Variants in CDKAL1 observed in about 807,000 individuals in gnomAD.
CDKAL1 encodes CDKAL1 threonylcarbamoyladenosine tRNA methylthiotransferase.
A neutral mutation model predicts 68.2 loss-of-function variants in CDKAL1; 32 were observed. The observed-to-expected ratio is 0.47, with a 90% confidence interval of 0.35 to 0.63. The LOEUF (loss-of-function observed/expected upper bound fraction) is 0.63. Ranked by LOEUF, CDKAL1 falls within the 30% of genes least tolerant of loss-of-function variation. The pLI is 0.00. For synonymous variants in CDKAL1, 234 were observed against 244.3 expected (o/e 0.96, Z 0.39); for missense variants, 606 against 696.7 (o/e 0.87, Z 1.47).
At chr6:21,197,917 C>A in intron 13 of CDKAL1, 104 bp from the exon 14 acceptor site, 1 of 573,338 alleles carries the variant, frequency 1.7e-6, no homozygotes, top group Non-Finnish European at 3.0e-6. Flanking sequence ...TTCAAGAAGA[C>A]GCTACTTGGT....
chr6:20,914,504 A>C (rs377148651), intron 9 of CDKAL1, among the ~76,000 whole-genome samples: 1 of 151,978 alleles, frequency 6.6e-6, no homozygotes, highest in Non-Finnish European at 1.5e-5. Context: ...ACCCTAGCTA[A>C]GTGTAGATTT....
chr6:20,843,335 C>G (rs1778249994), intron 8 of CDKAL1, among the ~76,000 whole-genome samples: 1 of 151,914 alleles, frequency 6.6e-6, no homozygotes, highest in South Asian at 2.1e-4. Context: ...GCCCTTTCCC[C>G]CTGCTAGTGT....
intron 9 of CDKAL1, among the ~76,000 whole-genome samples, chr6:20,856,819 A>T (rs1196882308): frequency 6.6e-6 from 1 of 152,224 alleles, no homozygotes; most frequent in African/African-American, 2.4e-5. Flanking sequence ...TGAAAGTGAT[A>T]CTGCTACCTG....
intron 9 of CDKAL1, among the ~76,000 whole-genome samples, chr6:20,904,249 T>C (rs1187598547): frequency 1.3e-5 from 2 of 152,094 alleles, no homozygotes; most frequent in Non-Finnish European, 2.9e-5. Flanking sequence ...AAAGGTCTAG[T>C]CCAGGGCTGG....
intron 15 of CDKAL1, among the ~76,000 whole-genome samples, chr6:21,229,879 C>T (rs1201353502): frequency 6.6e-6 from 1 of 152,236 alleles, no homozygotes; most frequent in Non-Finnish European, 1.5e-5. Flanking sequence ...CTTCCCTGGA[C>T]ACCAGCTAAG....
intron 4 of CDKAL1, among the ~76,000 whole-genome samples, chr6:20,601,774 G>T (rs1766107437): frequency 6.6e-6 from 1 of 152,184 alleles, no homozygotes; most frequent in Non-Finnish European, 1.5e-5. Context: ...GAGGCCCGCA[G>T]AGATTGGGAG....
chr6:20,634,024 T>G (rs1336388222), intron 4 of CDKAL1, among the ~76,000 whole-genome samples: 1 of 152,218 alleles, frequency 6.6e-6, no homozygotes, highest in African/African-American at 2.4e-5. Context: ...TTTTAAGATG[T>G]CTCTTTAAAA....
chr6:21,174,701 A>G (rs943570266), intron 13 of CDKAL1, among the ~76,000 whole-genome samples: 3 of 151,290 alleles, frequency 2.0e-5, no homozygotes, highest in Non-Finnish European at 2.9e-5. Context: ...ATAAAAAAAC[A>G]CATTGATAAG....
intron 9 of CDKAL1, among the ~76,000 whole-genome samples, chr6:20,931,969 G>A (rs966709239): frequency 2.0e-5 from 3 of 152,028 alleles, no homozygotes; most frequent in East Asian, 1.9e-4. Flanking sequence ...TTCTCTCTGC[G>A]TTAGTGCCCA....
intron 9 of CDKAL1, among the ~76,000 whole-genome samples, chr6:20,882,061 C>G (rs146187641): frequency 1.2e-3 from 190 of 152,228 alleles, no homozygotes; most frequent in African/African-American, 4.1e-3. Context: ...AACACACCAC[C>G]CCAAAATATG....
At chr6:20,960,093 A>G (rs1369878720) in intron 10 of CDKAL1, among the ~76,000 whole-genome samples, 2 of 152,162 alleles carry the variant, frequency 1.3e-5, no homozygotes, top group African/African-American at 2.4e-5. Context: ...CAGGCTAGCT[A>G]TATAGATATT....
At position 21,001,487 on chromosome 6, in the gene CDKAL1, A is replaced by G. The variant is rs192466878; in HGVS notation, c.1055+1115A>G. On this transcript the variant is annotated intron_variant, in intron 11 of 15. Coordinates refer to ENST00000274695, the MANE Select transcript of CDKAL1 (RefSeq NM_017774.3). ...GCATTCTTGATTATCCTAACCACCA[A>G]GAATAAAGCTACTTAGTGTACATTC... is the stretch of plus-strand genomic sequence containing the variant. 3.1e-4 allele frequency among the ~76,000 whole-genome samples: 47 copies of G among 152,196 alleles called. 2 individuals are homozygous for G. The East Asian group carries it at 9.1e-3, about 29-fold the overall frequency.
chr6:21,153,235 C>CTTTTTTTTTT (rs1162272560), intron 13 of CDKAL1, among the ~76,000 whole-genome samples: 2 of 96,228 alleles, frequency 2.1e-5, no homozygotes, highest in Admixed American at 1.1e-4. Context: ...TATGTGATTT[C>CTTTTTTTTTT]TTTTTTTTTT....
chr6:21,072,676 C>CTTTTTTTTTTT (rs66763305), intron 12 of CDKAL1, among the ~76,000 whole-genome samples: 8 of 131,192 alleles, frequency 6.1e-5, no homozygotes, highest in African/African-American at 1.1e-4. Context: ...AATAGAGTAT[C>CTTTTTTTTTTT]TTTTTTTTTT....
At chr6:20,819,221 A>ATT (rs34237934) in intron 8 of CDKAL1, among the ~76,000 whole-genome samples, 12 of 150,306 alleles carry the variant, frequency 8.0e-5, no homozygotes, top group African/African-American at 1.5e-4. Context: ...TATTTATAGT[A>ATT]TTTTTTTTTT....
At chr6:21,055,331 C>T (rs12661235) in intron 11 of CDKAL1, among the ~76,000 whole-genome samples, 1 of 151,918 alleles carries the variant, frequency 6.6e-6, no homozygotes, top group South Asian at 2.1e-4. Flanking sequence ...ATTCTAATCT[C>T]TTCCTCTGAT....
chr6:20,860,084 T>C (rs1308276400), intron 9 of CDKAL1, among the ~76,000 whole-genome samples: 2 of 152,206 alleles, frequency 1.3e-5, no homozygotes, highest in African/African-American at 4.8e-5. Context: ...AATTCTTTTT[T>C]TCTTTTCTTT....
chr6:20,963,862 G>A (rs1257209471), intron 10 of CDKAL1, among the ~76,000 whole-genome samples: 1 of 152,150 alleles, frequency 6.6e-6, no homozygotes, highest in Non-Finnish European at 1.5e-5. Context: ...TAAATCTAGT[G>A]TGAGAATATA....
At position 20,685,027 on chromosome 6, in the gene CDKAL1, CT is replaced by C. The variant is rs1314536778; in HGVS notation, c.371+35652del. ...TTTAATGAAATCCAGTTTATTGATT[CT>C]TGTGTTCATGGAGTGTGCCTTTTGT... On this transcript the variant is annotated intron_variant, in intron 5 of 15. Coordinates refer to ENST00000274695, the MANE Select transcript of CDKAL1 (RefSeq NM_017774.3). Among the ~76,000 whole-genome samples, 3 of 151,886 alleles carry C rather than the reference CT, an allele frequency of 2.0e-5. 1 individual carries two copies. The highest frequency in any genetic ancestry group is 7.3e-5 in the African/African-American group (3 of 41,324).
Sources: gnomAD v4.1 joint callset for allele counts (sites outside exome capture counted in the v4.1 genomes callset) on GRCh38, gnomAD v4.1.1 for gene constraint, MANE v1.5 for transcripts, NCBI Gene and HGNC (gene_info 2026-07-23, HGNC 2026-07-21) for gene names.